The following MIX23 variants were observed in gnomAD, a reference collection of about 807,000 sequenced individuals.
MIX23 encodes the protein mitochondrial matrix import factor 23, also known as protein MIX23.
MIX23 carries 13 observed loss-of-function variants against 21.6 expected under a neutral mutation model. The observed-to-expected ratio is 0.60, with a 90% CI of 0.39 to 0.96. The LOEUF is 0.96. Among genes scored for constraint, MIX23 ranks in the 40% least tolerant of loss-of-function variants. MIX23 has a pLI of 0.00. For synonymous variants in MIX23, 59 were observed against 58.0 expected (o/e 1.02, Z -0.08); for missense variants, 144 against 171.2 (o/e 0.84, Z 0.89).
chr3:122,367,537 T>G (rs1452311254), intron 3 of MIX23, among the ~76,000 whole-genome samples: 2 of 152,138 alleles, frequency 1.3e-5, no homozygotes, highest in African/African-American at 4.8e-5. Flanking sequence ...GTACTTGCTA[T>G]TTTCTTAAAA....
chr3:122,360,321 T>C (rs2075348481), intron 4 of MIX23, among the ~76,000 whole-genome samples: 1 of 152,116 alleles, frequency 6.6e-6, no homozygotes, highest in South Asian at 2.1e-4. Context: ...AAATAAAAAT[T>C]TGGTATGGTT....
rs2075343120 is a variant in MIX23, at chr3:122,359,752, G to T, written c.*117C>A. On this transcript the variant is annotated 3_prime_UTR_variant, in exon 5 of 5. Coordinates refer to ENST00000291458, the MANE Select transcript of MIX23 (RefSeq NM_001017928.4). ...TGAAATCAACAAAAGGTCTTGGACT[G>T]TTGGCTCAGAAATCATCCTAGAAAG... 9.4e-7 allele frequency: 1 copy of T among 1,063,526 alleles called. No individual in the cohort carries two copies. Among genetic ancestry groups the T allele is most frequent in the East Asian group, 3.0e-5 (1 of 33,344 alleles). The allele number at this position is 1,063,526 out of a possible 1,614,324, so 65.9% of individuals were successfully genotyped here. A position where few individuals can be genotyped will look rare whatever the true frequency, so the allele number is the denominator to read the frequency against.
intron 1 of MIX23, among the ~76,000 whole-genome samples, chr3:122,382,661 C>T (rs77110684): frequency 0.015 from 2,311 of 152,292 alleles, 31 homozygotes; most frequent in Non-Finnish European, 0.023. Context: ...AATATTACAT[C>T]TTCTCTAATG....
At chr3:122,376,101 T>G (rs1450680191) in intron 1 of MIX23, among the ~76,000 whole-genome samples, 1 of 136,486 alleles carries the variant, frequency 7.3e-6, no homozygotes, top group African/African-American at 2.8e-5. Context: ...AGGCAGAGGT[T>G]GCAGTGAGCC....
At chr3:122,368,430 A>G in intron 2 of MIX23, 108 bp from the exon 3 acceptor site, 2 of 1,115,042 alleles carry the variant, frequency 1.8e-6, no homozygotes, top group Non-Finnish European at 2.5e-6. Context: ...TACTTTCTAA[A>G]ACAATTTCTG....
At chr3:122,379,320 T>C (rs1559995031) in intron 1 of MIX23, among the ~76,000 whole-genome samples, 1 of 152,210 alleles carries the variant, frequency 6.6e-6, no homozygotes, top group Non-Finnish European at 1.5e-5. Context: ...TCAGTGTTTT[T>C]GTGGTGTAAT....
chr3:122,381,506 T>A (rs2075531259), intron 1 of MIX23, among the ~76,000 whole-genome samples: 1 of 152,030 alleles, frequency 6.6e-6, no homozygotes, highest in South Asian at 2.1e-4. Context: ...GGGGTGCGGA[T>A]CACCTGAGGT....
In MIX23 at chr3:122,359,615, A is replaced by G. The variant is rs550809143; in HGVS notation, c.*254T>C. Reference sequence around the variant, plus strand: ...GTACACTGAGTCAGAAAATTATTTTAATAGTTACAAAAATTTTTTTTTTTT... The same window carrying G: ...GTACACTGAGTCAGAAAATTATTTTGATAGTTACAAAAATTTTTTTTTTTT... On this transcript the variant is annotated 3_prime_UTR_variant, in exon 5 of 5. Transcript: ENST00000291458. 1 of 294,950 alleles carries G rather than the reference A, an allele frequency of 3.4e-6. No homozygotes were observed. Among genetic ancestry groups the G allele is most frequent in the East Asian group, 5.6e-5 (1 of 17,732 alleles). The allele number at this position is 294,950 out of a possible 1,614,324, so 18.3% of individuals were successfully genotyped here. A position where few individuals can be genotyped will look rare whatever the true frequency, so the allele number is the denominator to read the frequency against.
intron 1 of MIX23, among the ~76,000 whole-genome samples, chr3:122,378,879 A>G (rs1350095989): frequency 6.6e-6 from 1 of 152,240 alleles, no homozygotes; most frequent in Non-Finnish European, 1.5e-5. Flanking sequence ...TGCAATTTAA[A>G]ATTTAGTTCC....
At chr3:122,360,264 TTAAA>T (rs1167787022) in intron 4 of MIX23, among the ~76,000 whole-genome samples, 2 of 152,174 alleles carry the variant, frequency 1.3e-5, no homozygotes, top group Admixed American at 6.5e-5. Context: ...CTAAAATAAG[TTAAA>T]TAAAGAATGC....
At chr3:122,374,531 A>G (rs1165341559) in intron 1 of MIX23, among the ~76,000 whole-genome samples, 1 of 152,252 alleles carries the variant, frequency 6.6e-6, no homozygotes, top group Non-Finnish European at 1.5e-5. Context: ...TGTTAGTTAC[A>G]CTGTATTGTG....
intron 3 of MIX23, among the ~76,000 whole-genome samples, chr3:122,363,742 G>A (rs112709459): frequency 2.6e-5 from 4 of 151,880 alleles, no homozygotes; most frequent in African/African-American, 9.7e-5. Context: ...AGAGGTCTCA[G>A]GCTAAAAATG....
intron 1 of MIX23, among the ~76,000 whole-genome samples, chr3:122,378,257 T>C (rs2075503862): frequency 1.3e-5 from 2 of 152,350 alleles, no homozygotes. Context: ...CTCTGAACTT[T>C]AACCAGTTTT....
At chr3:122,368,091 C>T (rs567406415) in intron 3 of MIX23, 85 bp downstream of exon 3, 247 of 1,319,962 alleles carry the variant, frequency 1.9e-4, no homozygotes, top group South Asian at 1.0e-3. Context: ...ATATTATATG[C>T]CAAAATTTTC....
chr3:122,376,020 G>T (rs2075483673), intron 1 of MIX23, among the ~76,000 whole-genome samples: 2 of 151,862 alleles, frequency 1.3e-5, no homozygotes, highest in African/African-American at 2.4e-5. Flanking sequence ...AAATTAGACT[G>T]GCATGGTGGC....
intron 1 of MIX23, among the ~76,000 whole-genome samples, chr3:122,376,408 A>G (rs2075487445): frequency 6.6e-6 from 1 of 152,066 alleles, no homozygotes; most frequent in African/African-American, 2.4e-5. Flanking sequence ...ACCTGAGGTC[A>G]GGAGTTCAAG....
In MIX23 at chr3:122,359,919, C is replaced by A. The variant is rs1216222102; in HGVS notation, c.385G>T (p.Val129Leu). Residue 129 changes from valine to leucine, a missense_variant and splice_region_variant, in exon 5 of 5, where the codon GTG becomes TTG. Coordinates refer to ENST00000291458, the MANE Select transcript of MIX23 (RefSeq NM_001017928.4). ...EEVVNDRSWK[V>L]FNERCRIHFK... The stretch of plus-strand genomic sequence containing the variant: ...TGAATTCGGCAGCGTTCATTAAACA[C>A]CTAAAATATTGAAACAGAAACAAAA... The A allele has an allele frequency of 6.4e-7, 1 of 1,555,778 alleles. No individual in the cohort carries two copies. Among genetic ancestry groups the A allele is most frequent in the Non-Finnish European group, 8.7e-7 (1 of 1,153,412 alleles).
intron 1 of MIX23, among the ~76,000 whole-genome samples, chr3:122,381,502 C>T (rs28679619): frequency 6.6e-6 from 1 of 152,004 alleles, no homozygotes; most frequent in Admixed American, 6.5e-5. Flanking sequence ...GAAAGGGGTG[C>T]GGATCACCTG....
chr3:122,378,248 T>A (rs1217122264), intron 1 of MIX23, among the ~76,000 whole-genome samples: 1 of 152,244 alleles, frequency 6.6e-6, no homozygotes, highest in Non-Finnish European at 1.5e-5. Context: ...TTGTGTTGAC[T>A]CTGAACTTTA....
Sources: allele counts gnomAD v4.1 joint callset (sites outside exome capture counted in the v4.1 genomes callset), GRCh38; gene constraint gnomAD v4.1.1; transcripts MANE v1.5; gene names NCBI Gene and HGNC (gene_info 2026-07-23, HGNC 2026-07-21).